The following TECTA variants were observed in gnomAD, a reference collection of about 807,000 sequenced individuals.
TECTA encodes tectorin alpha.
Under a neutral mutation model 216.8 loss-of-function variants are expected in TECTA, and 128 were observed. The ratio of observed to expected loss-of-function variants is 0.59; its 90% CI spans 0.51 to 0.68. TECTA has a LOEUF of 0.68. Ranked by LOEUF, TECTA falls within the 30% of genes least tolerant of loss-of-function variation. TECTA has a pLI of 0.00. For missense variants in TECTA, 2,551 were observed against 2,786.2 expected (o/e 0.92, Z 1.90); for synonymous variants, 1,089 against 1,117.1 (o/e 0.97, Z 0.50).
chr11:121,137,211 C>T (rs773547439), intron 10 of TECTA, among the ~76,000 whole-genome samples: 2 of 152,052 alleles, frequency 1.3e-5, no homozygotes, highest in South Asian at 2.1e-4. Context: ...CACACGCACT[C>T]GCACACATGC....
intron 6 of TECTA, among the ~76,000 whole-genome samples, chr11:121,116,328 G>C (rs151044514): frequency 6.6e-6 from 1 of 152,294 alleles, no homozygotes; most frequent in East Asian, 1.9e-4. Flanking sequence ...GGCCTCAGAA[G>C]TTGCAGACTC....
chr11:121,139,098 G>A (rs1591450010), intron 11 of TECTA, among the ~76,000 whole-genome samples: 1 of 152,262 alleles, frequency 6.6e-6, no homozygotes, highest in Admixed American at 6.5e-5. Context: ...TATCTTTCAT[G>A]TTTATTGGAA....
intron 4 of TECTA, among the ~76,000 whole-genome samples, chr11:121,112,487 A>C (rs1300332309): frequency 1.3e-5 from 2 of 152,242 alleles, no homozygotes; most frequent in Non-Finnish European, 2.9e-5. Flanking sequence ...AAAGTGATGC[A>C]CAAATGCTCA....
chr11:121,146,320 A>G, intron 12 of TECTA: 1 of 629,524 alleles, frequency 1.6e-6, no homozygotes, highest in East Asian at 2.8e-5. Context: ...AATGGAGTTA[A>G]TATCACTTAT....
intron 13 of TECTA, among the ~76,000 whole-genome samples, chr11:121,155,267 T>C (rs1222304194): frequency 2.0e-5 from 3 of 152,248 alleles, no homozygotes; most frequent in South Asian, 2.1e-4. Context: ...TCAGATTCTC[T>C]TGTGGATGAG....
rs950824210 is a variant in TECTA at position 121,101,451 on chromosome 11, C to T, written c.-2+9C>T. The T allele has an allele frequency of 1.3e-5, 2 of 152,184 alleles. No individual in the cohort carries two copies. The highest frequency in any genetic ancestry group is 4.8e-5 in the African/African-American group (2 of 41,446). The allele number at this position is 152,184 out of a possible 1,614,324, so 9.4% of individuals were successfully genotyped here. A position where few individuals can be genotyped will look rare whatever the true frequency, so the allele number is the denominator to read the frequency against. On this transcript the variant is annotated intron_variant, in intron 1 of 23. Coordinates refer to ENST00000392793, the MANE Select transcript of TECTA (RefSeq NM_005422.4). ...CAGCCTCTACAGAACAGGTTAGTGA[C>T]ATTTTTCATAAATACAAATATCTAA...
At position 121,118,320 on chromosome 11, in the gene TECTA, C is replaced by G. The variant is rs777704329; in HGVS notation, c.805C>G (p.Arg269Gly). 36 of 1,613,976 alleles carry G rather than the reference C, an allele frequency of 2.2e-5. No individual in the cohort carries two copies. In the East Asian group the frequency reaches 8.0e-4, roughly 36 times the overall value. The change falls in exon 7 of 24, where the codon CGA (arginine) becomes GGA (glycine). Residue 269 changes from arginine to glycine, a missense_variant. Physicochemically the swap from Arg to Gly is moderately radical, Grantham distance 125 (BLOSUM62 -2). This residue lies in a region of TECTA where 2,375 missense variants were observed against 2,563.9 expected (regional missense o/e 0.93). Coordinates refer to ENST00000392793, the MANE Select transcript of TECTA (RefSeq NM_005422.4). ...GCTSRGQFLR[R>G]GEVFWDDLNC... ...TTATTCCCCAGGACAATTCCTTCGG[C>G]GAGGGGAGGTGTTTTGGGATGACTT...
intron 7 of TECTA, among the ~76,000 whole-genome samples, chr11:121,122,211 G>T (rs1423174306): frequency 6.6e-6 from 1 of 152,114 alleles, no homozygotes; most frequent in Non-Finnish European, 1.5e-5. Flanking sequence ...TAAGGAGGTG[G>T]GACCTTGAGG....
Position 121,168,102 on chromosome 11 carries a change from G to T in TECTA, c.5635G>T (p.Ala1879Ser). 6.2e-7 allele frequency: 1 copy of T among 1,614,144 alleles called. No homozygotes were observed. Among genetic ancestry groups the T allele is most frequent in the South Asian group, 1.1e-5 (1 of 91,086 alleles). The change falls in exon 19 of 24, where the codon GCC becomes TCC. Residue 1879 changes from alanine to serine, a missense_variant. Physicochemically the swap from Ala to Ser is moderately conservative, Grantham distance 99. Around this residue, in one of 3 missense-constraint regions of TECTA, gnomAD observed 2,375 missense variants for 2,563.9 expected, o/e 0.93. Transcript: ENST00000392793. ...TAAAAACACACTCTGGATCGAAAGC[G>T]CCAACAACACTGGCAACATCATCAC... Reference protein sequence around the residue: ...MYKNTLWIESANNTGNIITRD... With the variant: ...MYKNTLWIESSNNTGNIITRD...
At chr11:121,150,419 G>A (rs764494425) in intron 12 of TECTA, among the ~76,000 whole-genome samples, 7 of 152,060 alleles carry the variant, frequency 4.6e-5, no homozygotes, top group East Asian at 3.8e-4. Flanking sequence ...ACAAAGGAGC[G>A]TTCTTGATAA....
chr11:121,187,704 C>G, intron 20 of TECTA, 128 bp from the exon 21 acceptor site: 1 of 1,006,108 alleles, frequency 9.9e-7, no homozygotes, highest in Non-Finnish European at 1.5e-6. Context: ...GGGTCACTTT[C>G]AAATGTAAAG....
At chr11:121,139,841 A>G (rs607999) in intron 11 of TECTA, among the ~76,000 whole-genome samples, 51,020 of 152,168 alleles carry the variant, frequency 0.34, 12,564 homozygotes, top group African/African-American at 0.7. Context: ...TTTTAGCCAC[A>G]TAAGATTTCT....
chr11:121,130,108 TG>T lies in TECTA; in HGVS notation c.2843del (p.Gly948AlafsTer216). The T allele has an allele frequency of 6.2e-7, 1 of 1,613,132 alleles. No homozygotes were observed. ...RTCLFRLCQS[G>X]GNESELCDSV... ...CCTGCCTTTTCCGCCTGTGCCAGAG[TG>T]GGGGCAATGAGTCAGAGCTCTGTGA... On this transcript the variant is annotated frameshift_variant, in exon 10 of 24. Coordinates refer to ENST00000392793, the MANE Select transcript of TECTA (RefSeq NM_005422.4). LOFTEE classifies it high-confidence loss of function.
chr11:121,143,015 A>G (rs1181896120), intron 11 of TECTA, among the ~76,000 whole-genome samples: 1 of 152,170 alleles, frequency 6.6e-6, no homozygotes, highest in East Asian at 1.9e-4. Flanking sequence ...AGACTCCTTA[A>G]GAGCATCATC....
rs748792861 is a variant in TECTA, at chr11:121,105,240, T to TA, written c.65-585dup. ...CGGAGGATCTCATGTCTGTCTTTTG[T>TA]AAAAAAGGAGTTGGGCAAAGAGCCT... On this transcript the variant is annotated intron_variant, in intron 2 of 23. Transcript: ENST00000392793. The surrounding 1 kb of genome is among the most constrained non-coding windows in gnomAD (Gnocchi z 5.3). Among the ~76,000 whole-genome samples the TA allele has an allele frequency of 3.9e-5, 6 of 152,142 alleles. No individual in the cohort carries two copies. The highest frequency in any genetic ancestry group is 7.4e-5 in the Non-Finnish European group (5 of 68,016).
At chr11:121,120,590 C>T (rs890414117) in intron 7 of TECTA, among the ~76,000 whole-genome samples, 3 of 152,172 alleles carry the variant, frequency 2.0e-5, no homozygotes, top group African/African-American at 2.4e-5. Flanking sequence ...CACAGACCCC[C>T]CTTCTCCAGC....
chr11:121,145,950 G>A lies in TECTA; in HGVS notation c.3939G>A (p.Lys1313=). The stretch of plus-strand genomic sequence containing the variant: ...CCAACCAGAACGCTGCCTTCTCCAA[G>A]TGTCACAGCAAAGTTAACCCCACCT... The part of the protein sequence containing the change: ...LIPNQNAAFS[K]CHSKVNPTFF... Residue 1313 remains lysine (K), a synonymous_variant, in exon 12 of 24, where the codon AAG becomes AAA. Coordinates refer to ENST00000392793, the MANE Select transcript of TECTA (RefSeq NM_005422.4). The A allele has an allele frequency of 1.2e-6, 2 of 1,614,262 alleles. No individual in the cohort carries two copies. The highest frequency in any genetic ancestry group is 4.5e-5 in the East Asian group (2 of 44,886).
intron 7 of TECTA, among the ~76,000 whole-genome samples, chr11:121,120,433 T>C (rs1946546451): frequency 6.6e-6 from 1 of 152,176 alleles, no homozygotes; most frequent in South Asian, 2.1e-4. Flanking sequence ...GCTCGATGGA[T>C]GGCAGAGCCC....
chr11:121,129,488 A>T (rs1386492693), intron 9 of TECTA, 150 bp from the exon 10 acceptor site: 3 of 747,464 alleles, frequency 4.0e-6, no homozygotes, highest in Non-Finnish European at 6.9e-6. Flanking sequence ...GCCCATGACA[A>T]ATCGGTTGGT....
Sources: gnomAD v4.1 joint callset for allele counts (sites outside exome capture counted in the v4.1 genomes callset) on GRCh38, gnomAD v4.1.1 for gene constraint, gnomAD v4.1.1 regional missense constraint, Gnocchi (gnomAD v3.1) non-coding constraint, MANE v1.5 for transcripts, NCBI Gene and HGNC (gene_info 2026-07-23, HGNC 2026-07-21) for gene names.